The following MAP4 variants were observed in gnomAD, a reference collection of about 807,000 sequenced individuals.
The protein encoded by MAP4 is microtubule associated protein 4.
A neutral mutation model predicts 170.2 loss-of-function variants in MAP4; 76 were observed. That is an observed-to-expected ratio of 0.45 (90% CI 0.37 to 0.54). The LOEUF (loss-of-function observed/expected upper bound fraction) is 0.54, where lower values mean the gene tolerates loss of function less well. MAP4 is among the 20% of genes least tolerant of loss of function. The probability of loss-of-function intolerance (pLI) is 0.00; values close to 1 mark genes in which losing one functional copy is unlikely to be tolerated. For missense variants in MAP4, 2,506 were observed against 2,748.0 expected (o/e 0.91, Z 1.97); for synonymous variants, 909 against 994.5 (o/e 0.91, Z 1.62).
At chr3:48,031,595 C>T (rs543774950) in intron 1 of MAP4, among the ~76,000 whole-genome samples, 5 of 151,850 alleles carry the variant, frequency 3.3e-5, no homozygotes, top group African/African-American at 1.2e-4. Context: ...CATGGTGGTA[C>T]GTGCCTGTAG....
At chr3:47,956,929 C>T (rs968136759) in intron 3 of MAP4, among the ~76,000 whole-genome samples, 1 of 152,184 alleles carries the variant, frequency 6.6e-6, no homozygotes, top group African/African-American at 2.4e-5. Context: ...TAACTCTGAG[C>T]CCTGAATATG....
At chr3:47,967,140 C>G (rs2100075596) in intron 3 of MAP4, among the ~76,000 whole-genome samples, 1 of 151,700 alleles carries the variant, frequency 6.6e-6, no homozygotes, top group Admixed American at 6.6e-5. Flanking sequence ...AGTTTGAGAC[C>G]AGCCTGACCA....
rs1029367502 is a variant in MAP4, at chr3:47,973,546, G to C, written c.292+4319C>G. 1.0e-5 allele frequency: 10 copies of C among 984,522 alleles called. No homozygotes were observed. In the African/African-American group the frequency reaches 1.0e-4, roughly 10 times the overall value. The allele number at this position is 984,522 out of a possible 1,614,324, so 61.0% of individuals were successfully genotyped here. A position where few individuals can be genotyped will look rare whatever the true frequency, so the allele number is the denominator to read the frequency against. On this transcript the variant is annotated intron_variant, in intron 3 of 20. Transcript: ENST00000683076. ...GTTAGTAGAAAATTTCAACAATTCTGTAAGTTCAAAAAGGAAACATATTTG... is the reference window on the plus strand; with the variant it reads ...GTTAGTAGAAAATTTCAACAATTCTCTAAGTTCAAAAAGGAAACATATTTG...
chr3:47,859,191 G>A (rs1420881403), intron 17 of MAP4, among the ~76,000 whole-genome samples: 2 of 152,166 alleles, frequency 1.3e-5, no homozygotes, highest in African/African-American at 4.8e-5. Context: ...TTGCTGGATG[G>A]GGATTCCAGC....
rs767879200 is a variant in MAP4, at chr3:47,910,027, C to T, written c.4394G>A (p.Gly1465Glu). ...AATCTGGGCTGGGGCTATCTCTTGCCCATTTTTTGCCAAGGTATCTGGAAA... is the reference window on the plus strand; with the variant it reads ...AATCTGGGCTGGGGCTATCTCTTGCTCATTTTTTGCCAAGGTATCTGGAAA... ...DSFPDTLAKN[G>E]QEIAPAQISK... The change falls in exon 9 of 21, where the codon GGG (glycine) becomes GAG (glutamate). Residue 1465 changes from glycine to glutamate, a missense_variant. Around this residue, in one of 3 missense-constraint regions of MAP4, gnomAD observed 2,008 missense variants for 2,206.0 expected, o/e 0.91. Transcript: ENST00000683076. 1.9e-6 allele frequency: 3 copies of T among 1,613,898 alleles called. No homozygotes were observed. The South Asian group carries it at 3.3e-5, about 18-fold the overall frequency.
intron 17 of MAP4, among the ~76,000 whole-genome samples, chr3:47,860,148 G>A (rs958915248): frequency 3.3e-5 from 5 of 152,204 alleles, no homozygotes; most frequent in African/African-American, 1.2e-4. Flanking sequence ...AACAGCACCT[G>A]CAAGAAGTTA....
chr3:47,880,259 ATTTTTTT>A lies in MAP4; in HGVS notation c.5435-2743_5435-2737del, dbSNP rs35700801. ...CAGTACCCGCCACCACACCTGGCTA[ATTTTTTT>A]TTTTTTTTTTTTTTTGCATTTTTAG... On this transcript the variant is annotated intron_variant, in intron 10 of 20. Transcript: ENST00000683076. Among the ~76,000 whole-genome samples, 21 of 106,368 alleles carry A rather than the reference ATTTTTTT, an allele frequency of 2.0e-4. No individual in the cohort carries two copies. The East Asian group carries it at 5.2e-3, about 26-fold the overall frequency. 69.8% of individuals were successfully genotyped at this position (106,368 alleles called of 152,430 possible).
intron 1 of MAP4, among the ~76,000 whole-genome samples, chr3:48,088,048 C>T (rs1272106903): frequency 6.6e-6 from 1 of 152,182 alleles, no homozygotes; most frequent in African/African-American, 2.4e-5. Context: ...CCTCACAACT[C>T]CTCCACAGGA....
upstream of MAP4, among the ~76,000 whole-genome samples, chr3:48,020,129 G>T (rs996162983): frequency 1.3e-5 from 2 of 151,890 alleles, no homozygotes; most frequent in African/African-American, 4.8e-5. Flanking sequence ...CAAGTGATTC[G>T]CCTGCCTCAG....
intron 3 of MAP4, among the ~76,000 whole-genome samples, chr3:47,937,318 G>A (rs1164917357): frequency 6.6e-6 from 1 of 152,108 alleles, no homozygotes; most frequent in South Asian, 2.1e-4. Context: ...GAAAAATGAC[G>A]ATGAATTAAA....
At chr3:47,856,285 A>G (rs1216557486) in intron 18 of MAP4, among the ~76,000 whole-genome samples, 1 of 152,220 alleles carries the variant, frequency 6.6e-6, no homozygotes, top group Non-Finnish European at 1.5e-5. Context: ...AGCCCTGGCA[A>G]AAACTAGACC....
chr3:47,950,669 G>C (rs1415311723), intron 3 of MAP4, among the ~76,000 whole-genome samples: 4 of 152,104 alleles, frequency 2.6e-5, no homozygotes, highest in Non-Finnish European at 4.4e-5. Flanking sequence ...AAGGTCTGGC[G>C]CTTGAAAGAA....
intron 18 of MAP4, among the ~76,000 whole-genome samples, chr3:47,856,715 C>T (rs976509365): frequency 3.9e-5 from 6 of 152,244 alleles, no homozygotes; most frequent in Non-Finnish European, 5.9e-5. Context: ...GCATGAGACA[C>T]CGCGCCCGCC....
upstream of MAP4, among the ~76,000 whole-genome samples, chr3:48,020,918 C>T (rs2100110232): frequency 6.6e-6 from 1 of 152,022 alleles, no homozygotes; most frequent in South Asian, 2.1e-4. Context: ...CCAGCCTCAA[C>T]CTCCCAGGTA....
intron 1 of MAP4, among the ~76,000 whole-genome samples, chr3:48,080,959 C>A (rs909636477): frequency 6.6e-6 from 1 of 152,186 alleles, no homozygotes; most frequent in African/African-American, 2.4e-5. Flanking sequence ...CCCGTCTCTA[C>A]TAAAAATACA....
At position 47,910,971 on chromosome 3, in the gene MAP4, C is replaced by T. The variant is rs1334144206; in HGVS notation, c.3450G>A (p.Val1150=). The stretch of plus-strand genomic sequence containing the variant: ...GAATCAATGCCTGCATGGTGCCTGC[C>T]ACCTTAGGCTGAGTCATCTCTTTAG... ...GEPKEMTQPK[V]AGTMQALIPL... is the part of the protein sequence containing the mutation. Residue 1150 remains valine (V), a synonymous_variant, in exon 9 of 21, where the codon GTG becomes GTA. Coordinates refer to ENST00000683076, the MANE Select transcript of MAP4 (RefSeq NM_001385682.1). The T allele has an allele frequency of 6.5e-7, 1 of 1,536,160 alleles. No individual in the cohort carries two copies. Among genetic ancestry groups the T allele is most frequent in the South Asian group, 1.2e-5 (1 of 84,064 alleles).
chr3:47,931,221 C>CA (rs374262025), intron 3 of MAP4, among the ~76,000 whole-genome samples: 66 of 147,726 alleles, frequency 4.5e-4, no homozygotes, highest in African/African-American at 1.3e-3. Context: ...CAAAAACATA[C>CA]AAAAAAAAAA....
At chr3:48,061,247 A>T (rs1334267160) in intron 1 of MAP4, among the ~76,000 whole-genome samples, 6 of 144,586 alleles carry the variant, frequency 4.1e-5, no homozygotes, top group Non-Finnish European at 7.5e-5. Context: ...TGCCGAGCCG[A>T]AGCTGGACTG....
At chr3:47,974,530 A>T in intron 3 of MAP4, 1 of 980,240 alleles carries the variant, frequency 1.0e-6, no homozygotes, top group Non-Finnish European at 1.2e-6. Flanking sequence ...AAGCTGCATA[A>T]TCAGTAAAAG....
Sources: allele counts gnomAD v4.1 joint callset (sites outside exome capture counted in the v4.1 genomes callset), GRCh38; gene constraint gnomAD v4.1.1; regional missense constraint gnomAD v4.1.1; transcripts MANE v1.5; gene names NCBI Gene and HGNC (gene_info 2026-07-23, HGNC 2026-07-21).